Variants in GREB1L observed in about 807,000 individuals in gnomAD.
The protein encoded by GREB1L is GREB1 like retinoic acid receptor coactivator.
A neutral mutation model predicts 200.8 loss-of-function variants in GREB1L; 17 were observed. That is an observed-to-expected ratio of 0.08 (90% confidence interval 0.06 to 0.13). The LOEUF (loss-of-function observed/expected upper bound fraction) is 0.13, where lower values mean the gene tolerates loss of function less well. Among genes scored for constraint, GREB1L ranks in the 10% least tolerant of loss-of-function variants. The pLI, the probability that GREB1L is intolerant of heterozygous loss-of-function variation, is 1.00. For synonymous variants in GREB1L, 789 were observed against 893.0 expected (o/e 0.88, Z 2.08); for missense variants, 1,657 against 2,367.7 (o/e 0.70, Z 6.23).
chr18:21,454,732 G>A (rs2034677073), intron 15 of GREB1L, 169 bp downstream of exon 15: 2 of 641,212 alleles, frequency 3.1e-6, no homozygotes, highest in Non-Finnish European at 5.5e-6. Flanking sequence ...TTCCCTCAAA[G>A]TACTCTGTCC....
At chr18:21,451,248 C>T in intron 13 of GREB1L, 97 bp downstream of exon 13, 2 of 1,295,566 alleles carry the variant, frequency 1.5e-6, no homozygotes, top group Non-Finnish European at 1.1e-6. Flanking sequence ...GGAGCTCAAG[C>T]TTGCCAGCTG....
intron 1 of GREB1L, among the ~76,000 whole-genome samples, chr18:21,364,559 G>C (rs2143614621): frequency 6.6e-6 from 1 of 152,238 alleles, no homozygotes; most frequent in Non-Finnish European, 1.5e-5. Flanking sequence ...AAGAAATTAA[G>C]ATGATTAGAA....
intron 4 of GREB1L, among the ~76,000 whole-genome samples, chr18:21,388,662 A>T (rs535024217): frequency 6.8e-6 from 1 of 147,958 alleles, no homozygotes; most frequent in Non-Finnish European, 1.5e-5. Context: ...CTCCTGCCTC[A>T]GCCTCCCGAG....
intron 17 of GREB1L, among the ~76,000 whole-genome samples, chr18:21,484,649 T>C (rs2036056574): frequency 6.6e-6 from 1 of 152,020 alleles, no homozygotes; most frequent in Non-Finnish European, 1.5e-5. Flanking sequence ...AAACCCCGTC[T>C]CTCCTAAAAA....
At chr18:21,248,477 A>G (rs1306868354) in intron 1 of GREB1L, among the ~76,000 whole-genome samples, 1 of 152,266 alleles carries the variant, frequency 6.6e-6, no homozygotes, top group Non-Finnish European at 1.5e-5. Context: ...AATGAGTGTG[A>G]TGACAGAAGA....
chr18:21,440,782 C>T (rs2145252765), intron 9 of GREB1L, among the ~76,000 whole-genome samples: 1 of 152,286 alleles, frequency 6.6e-6, no homozygotes, highest in Non-Finnish European at 1.5e-5. Flanking sequence ...CCTGAAAAAC[C>T]AAAACCAACT....
chr18:21,513,893 T>G lies in GREB1L; in HGVS notation c.4808T>G (p.Leu1603Arg). ...TTGGAGAGAAACCGCCTGGAGGAGCTAGGCATTAAACGCCAGTGTGTCTGG... is the reference window on the plus strand; with the variant it reads ...TTGGAGAGAAACCGCCTGGAGGAGCGAGGCATTAAACGCCAGTGTGTCTGG... ...LELERNRLEELGIKRQCVWPF... is the reference protein window; with the variant it reads ...LELERNRLEERGIKRQCVWPF... The change falls in exon 28 of 33, where the codon CTA becomes CGA. Residue 1603 changes from leucine to arginine, a missense_variant. Around this residue, in one of 9 missense-constraint regions of GREB1L, gnomAD observed 151 missense variants for 309.6 expected, o/e 0.49. Transcript: ENST00000424526. 2 of 1,551,294 alleles carry G rather than the reference T, an allele frequency of 1.3e-6. No individual in the cohort carries two copies. The highest frequency in any genetic ancestry group is 1.7e-6 in the Non-Finnish European group (2 of 1,146,612).
intron 6 of GREB1L, 122 bp downstream of exon 6, chr18:21,401,448 C>T (rs2041311804): frequency 1.3e-6 from 1 of 795,504 alleles, no homozygotes; most frequent in Non-Finnish European, 1.9e-6. Flanking sequence ...AGAAGGATAT[C>T]CCAAAATTTA....
In GREB1L at chr18:21,444,335, T is replaced by C. The variant is rs771450164; in HGVS notation, c.1319T>C (p.Leu440Ser). The change falls in exon 11 of 33, where the codon TTA becomes TCA. Residue 440 changes from leucine to serine, a missense_variant. Around this residue, in one of 9 missense-constraint regions of GREB1L, gnomAD observed 289 missense variants for 345.1 expected, o/e 0.84. Coordinates refer to ENST00000424526, the MANE Select transcript of GREB1L (RefSeq NM_001142966.3). The stretch of plus-strand genomic sequence containing the variant: ...TTGGAAAACAAAGATTTGGAAAAAT[T>C]AGGGTTGACCGGCAGCCAATTTCTG... ...PQLENKDLEK[L>S]GLTGSQFLSV... is the part of the protein sequence containing the mutation. 8 of 1,552,216 alleles carry C rather than the reference T, an allele frequency of 5.2e-6. 1 individual carries two copies. In the South Asian group the frequency reaches 9.5e-5, roughly 18 times the overall value.
intron 1 of GREB1L, among the ~76,000 whole-genome samples, chr18:21,306,517 G>T (rs2038702844): frequency 6.6e-6 from 1 of 152,160 alleles, no homozygotes; most frequent in Non-Finnish European, 1.5e-5. Context: ...TGTGTTATGT[G>T]CTTGAACAAC....
At chr18:21,351,075 A>G (rs1358131951) in intron 1 of GREB1L, among the ~76,000 whole-genome samples, 2 of 152,192 alleles carry the variant, frequency 1.3e-5, no homozygotes, top group Admixed American at 6.5e-5. Context: ...CCCTTACAAA[A>G]TAATCAATAC....
intron 11 of GREB1L, among the ~76,000 whole-genome samples, chr18:21,446,380 C>G (rs2034219301): frequency 1.3e-5 from 2 of 151,994 alleles, no homozygotes; most frequent in Admixed American, 6.6e-5. Flanking sequence ...TTAAATGAAC[C>G]AAGTGGTCAA....
At chr18:21,377,468 A>G (rs1336888573) in intron 2 of GREB1L, among the ~76,000 whole-genome samples, 1 of 152,286 alleles carries the variant, frequency 6.6e-6, no homozygotes, top group East Asian at 1.9e-4. Context: ...GTACTTCTAT[A>G]GTATTTATTA....
At chr18:21,436,908 G>A (rs1224963636) in intron 7 of GREB1L, among the ~76,000 whole-genome samples, 2 of 151,776 alleles carry the variant, frequency 1.3e-5, no homozygotes, top group African/African-American at 2.4e-5. Flanking sequence ...ACAAGGTTTC[G>A]CTATGTTGTC....
rs148023759 is a variant in GREB1L at position 21,460,234 on chromosome 18, G to A, written c.2182+5671G>A. On this transcript the variant is annotated intron_variant, in intron 15 of 32. Coordinates refer to ENST00000424526, the MANE Select transcript of GREB1L (RefSeq NM_001142966.3). ...TTGTGGCCCAGGCTGGAGTACAATG[G>A]CATGATCTCGGCTCACTGCAACCTC... is the stretch of plus-strand genomic sequence containing the variant. Among the ~76,000 whole-genome samples, 11 of 152,306 alleles carry A rather than the reference G, an allele frequency of 7.2e-5. No homozygotes were observed. In the East Asian group the frequency reaches 1.9e-3, roughly 27 times the overall value.
chr18:21,282,638 C>T (rs1367740759), intron 1 of GREB1L, among the ~76,000 whole-genome samples: 1 of 151,314 alleles, frequency 6.6e-6, no homozygotes, highest in Non-Finnish European at 1.5e-5. Flanking sequence ...CTTGCTCTGT[C>T]ACCCAGGATG....
intron 7 of GREB1L, among the ~76,000 whole-genome samples, chr18:21,405,077 TGTGC>T (rs1301825897): frequency 6.6e-6 from 1 of 152,244 alleles, no homozygotes; most frequent in East Asian, 1.9e-4. Context: ...TTTCTTGCTA[TGTGC>T]CTGTACTCAG....
chr18:21,276,234 C>T (rs1050202674), intron 1 of GREB1L, among the ~76,000 whole-genome samples: 1 of 152,206 alleles, frequency 6.6e-6, no homozygotes, highest in Non-Finnish European at 1.5e-5. Flanking sequence ...CCACCTCTTC[C>T]GTGGTAAACC....
chr18:21,430,618 C>T (rs1040273665), intron 7 of GREB1L, among the ~76,000 whole-genome samples: 18 of 107,754 alleles, frequency 1.7e-4, no homozygotes, highest in Admixed American at 1.3e-4. Flanking sequence ...TAATTTGAGA[C>T]GGAGTTTCGC....
Sources: allele counts gnomAD v4.1 joint callset (sites outside exome capture counted in the v4.1 genomes callset), GRCh38; gene constraint gnomAD v4.1.1; regional missense constraint gnomAD v4.1.1; transcripts MANE v1.5; gene names NCBI Gene and HGNC (gene_info 2026-07-23, HGNC 2026-07-21).